Variants in MACROD2 observed in about 807,000 individuals in gnomAD.
MACROD2 encodes mono-ADP ribosylhydrolase 2.
A neutral mutation model predicts 70.4 loss-of-function variants in MACROD2; 36 were observed. The observed-to-expected ratio is 0.51, with a 90% CI of 0.39 to 0.68. The LOEUF is 0.68. Among genes scored for constraint, MACROD2 ranks in the 30% least tolerant of loss-of-function variants. MACROD2 has a pLI of 0.00. For synonymous variants in MACROD2, 172 were observed against 178.8 expected (o/e 0.96, Z 0.30); for missense variants, 496 against 538.4 (o/e 0.92, Z 0.78).
intron 5 of MACROD2, among the ~76,000 whole-genome samples, chr20:14,914,597 C>T (rs1165748955): frequency 6.6e-6 from 1 of 152,162 alleles, no homozygotes; most frequent in Non-Finnish European, 1.5e-5. Context: ...GTTAGGGATC[C>T]ATCCATGCAT....
At chr20:15,065,062 C>T (rs968101020) in intron 5 of MACROD2, among the ~76,000 whole-genome samples, 1 of 152,152 alleles carries the variant, frequency 6.6e-6, no homozygotes, top group Non-Finnish European at 1.5e-5. Flanking sequence ...TTCCTCATTT[C>T]TATGCATGAT....
intron 4 of MACROD2, among the ~76,000 whole-genome samples, chr20:14,509,525 G>A (rs1265544346): frequency 6.6e-6 from 1 of 151,948 alleles, no homozygotes; most frequent in Non-Finnish European, 1.5e-5. Flanking sequence ...ATGTTATGTA[G>A]TGATTAAGAG....
At chr20:14,600,343 T>TATGCAC (rs1320891260) in intron 4 of MACROD2, among the ~76,000 whole-genome samples, 1 of 130,200 alleles carries the variant, frequency 7.7e-6, no homozygotes, top group African/African-American at 3.1e-5. Context: ...TATATATATA[T>TATGCAC]ACACACACAC....
At chr20:14,565,927 T>A (rs1033745498) in intron 4 of MACROD2, among the ~76,000 whole-genome samples, 3 of 151,948 alleles carry the variant, frequency 2.0e-5, no homozygotes, top group African/African-American at 7.2e-5. Flanking sequence ...ATTTTCTTAT[T>A]GTTGGAAGAT....
rs117496799 is a variant in MACROD2 at position 14,608,752 on chromosome 20, A to G, written c.302-76091A>G. ...TTGGATTATATAACTTTAAACAGTG[A>G]ATGGGGCTGTAGGAAAAATTGAATG... On this transcript the variant is annotated intron_variant, in intron 4 of 17. Transcript: ENST00000684519. Among the ~76,000 whole-genome samples the G allele has an allele frequency of 7.1e-4, 108 of 152,230 alleles. 2 individuals carry two copies. In the East Asian group the frequency reaches 0.02, roughly 29 times the overall value.
intron 6 of MACROD2, among the ~76,000 whole-genome samples, chr20:15,383,948 T>C (rs577638459): frequency 6.6e-6 from 1 of 152,206 alleles, no homozygotes; most frequent in South Asian, 2.1e-4. Context: ...TCAGCTATTT[T>C]TTTTTCTAGG....
chr20:15,680,764 T>C (rs951055807), intron 8 of MACROD2, among the ~76,000 whole-genome samples: 8 of 152,172 alleles, frequency 5.3e-5, no homozygotes, highest in Non-Finnish European at 7.3e-5. Flanking sequence ...CAACCACATA[T>C]TGGCATTTAA....
intron 5 of MACROD2, among the ~76,000 whole-genome samples, chr20:15,164,076 T>A (rs1031701412): frequency 6.6e-6 from 1 of 152,104 alleles, no homozygotes; most frequent in Non-Finnish European, 1.5e-5. Context: ...AAATAACAAT[T>A]GTTATTTCGC....
chr20:14,215,335 TATACACACACACACACAC>T (rs1444504105), intron 3 of MACROD2, among the ~76,000 whole-genome samples: 6 of 101,672 alleles, frequency 5.9e-5, no homozygotes, highest in Admixed American at 1.2e-4. Flanking sequence ...TGCCATCATA[TATACACACACACACACAC>T]ACACACACAC....
intron 5 of MACROD2, among the ~76,000 whole-genome samples, chr20:14,965,401 TC>T (rs2080762900): frequency 6.6e-6 from 1 of 151,506 alleles, no homozygotes; most frequent in Admixed American, 6.6e-5. Flanking sequence ...TATTACTAGA[TC>T]CATATTCTAA....
chr20:15,551,899 TC>T (rs1260529978), intron 8 of MACROD2, among the ~76,000 whole-genome samples: 2 of 152,074 alleles, frequency 1.3e-5, no homozygotes, highest in Non-Finnish European at 2.9e-5. Flanking sequence ...ATATTTTATT[TC>T]TGTGTAAACA....
intron 8 of MACROD2, among the ~76,000 whole-genome samples, chr20:15,810,619 G>A (rs189462465): frequency 2.0e-5 from 3 of 152,246 alleles, no homozygotes; most frequent in Non-Finnish European, 2.9e-5. Context: ...AAAAGAGCCC[G>A]CATTGCCAAG....
chr20:14,769,948 A>G (rs534701753), intron 5 of MACROD2, among the ~76,000 whole-genome samples: 3 of 152,228 alleles, frequency 2.0e-5, no homozygotes, highest in East Asian at 3.9e-4. Context: ...GAAAAAATTC[A>G]TAAGAACTAG....
At chr20:14,182,309 C>T (rs758674302) in intron 3 of MACROD2, among the ~76,000 whole-genome samples, 5 of 152,104 alleles carry the variant, frequency 3.3e-5, no homozygotes, top group Non-Finnish European at 7.4e-5. Flanking sequence ...ATTCTTTACC[C>T]ATTTTTTGTT....
At chr20:14,437,222 AC>A (rs2084066293) in intron 3 of MACROD2, among the ~76,000 whole-genome samples, 1 of 152,106 alleles carries the variant, frequency 6.6e-6, no homozygotes, top group Admixed American at 6.5e-5. Flanking sequence ...TCTCCCAAGC[AC>A]CTTTTTTTGA....
intron 8 of MACROD2, among the ~76,000 whole-genome samples, chr20:15,722,847 C>T (rs1374680175): frequency 2.0e-5 from 3 of 152,052 alleles, no homozygotes; most frequent in Non-Finnish European, 4.4e-5. Context: ...TCTCTAAAAG[C>T]TTTGCAGTTT....
chr20:14,356,322 T>C (rs2083171444), intron 3 of MACROD2, among the ~76,000 whole-genome samples: 1 of 152,126 alleles, frequency 6.6e-6, no homozygotes, highest in African/African-American at 2.4e-5. Context: ...TAATAGGTCT[T>C]ACTATTAGTG....
chr20:15,166,535 A>G lies in MACROD2; in HGVS notation c.419-63405A>G, dbSNP rs1306432404. 2.6e-5 allele frequency among the ~76,000 whole-genome samples: 4 copies of G among 152,180 alleles called. No homozygotes were observed. The East Asian group carries it at 5.8e-4, about 22-fold the overall frequency. ...CACCAGTTTATGCTACTTTGTTATA[A>G]TAGCCTGAACAGACTGAGAGATTTA... On this transcript the variant is annotated intron_variant, in intron 5 of 17. Transcript: ENST00000684519.
chr20:14,147,690 A>ATGGAGCC (rs1488068606), intron 3 of MACROD2, among the ~76,000 whole-genome samples: 3 of 152,184 alleles, frequency 2.0e-5, no homozygotes, highest in Admixed American at 1.3e-4. Flanking sequence ...AAATTCAGAG[A>ATGGAGCC]TGGAGCCTGT....
Sources: allele counts gnomAD v4.1 joint callset (sites outside exome capture counted in the v4.1 genomes callset), GRCh38; gene constraint gnomAD v4.1.1; transcripts MANE v1.5; gene names NCBI Gene and HGNC (gene_info 2026-07-23, HGNC 2026-07-21).